Variants in NAMPT observed in about 807,000 individuals in gnomAD.
The protein encoded by NAMPT is nicotinamide phosphoribosyltransferase.
A neutral mutation model predicts 58.7 loss-of-function variants in NAMPT; 7 were observed. The ratio of observed to expected loss-of-function variants is 0.12; its 90% CI spans 0.07 to 0.22. The LOEUF is 0.22. Ranked by LOEUF, NAMPT falls within the 10% of genes least tolerant of loss-of-function variation. The pLI is 1.00. For synonymous variants in NAMPT, 145 were observed against 198.1 expected, an observed-to-expected ratio of 0.73 and a Z score of 2.25; for missense variants, 271 against 567.9, an observed-to-expected ratio of 0.48 and a Z score of 5.31.
intron 8 of NAMPT, among the ~76,000 whole-genome samples, chr7:106,256,551 T>C (rs1012652282): frequency 2.6e-4 from 40 of 152,342 alleles, no homozygotes; most frequent in African/African-American, 9.6e-4. Flanking sequence ...CAAGTACAGA[T>C]GGTCACAAAC....
At chr7:106,269,352 A>C in intron 4 of NAMPT, 40 bp from the exon 5 acceptor site, 1 of 1,562,518 alleles carries the variant, frequency 6.4e-7, no homozygotes, top group South Asian at 1.2e-5. Flanking sequence ...AAGACATAAA[A>C]TACTGCATTC....
chr7:106,285,251 T>A, upstream of NAMPT: 1 of 884,256 alleles, frequency 1.1e-6, no homozygotes, highest in Non-Finnish European at 1.4e-6. Flanking sequence ...GCGCTCTTCC[T>A]CCCAGACGCC....
chr7:106,277,813 G>A (rs1792680552), intron 1 of NAMPT, among the ~76,000 whole-genome samples: 1 of 152,172 alleles, frequency 6.6e-6, no homozygotes, highest in African/African-American at 2.4e-5. Flanking sequence ...TTTAAAATAC[G>A]AAGAGGTCTT....
intron 1 of NAMPT, among the ~76,000 whole-genome samples, chr7:106,282,473 AT>A (rs1792785185): frequency 1.3e-5 from 2 of 152,222 alleles, no homozygotes; most frequent in African/African-American, 4.8e-5. Flanking sequence ...TTCATAACTA[AT>A]GGATAATGCG....
At chr7:106,260,492 C>G (rs1792284135) in intron 8 of NAMPT, among the ~76,000 whole-genome samples, 1 of 152,230 alleles carries the variant, frequency 6.6e-6, no homozygotes, top group Non-Finnish European at 1.5e-5. Context: ...TTCTCCCTAG[C>G]AGCAATAAAG....
chr7:106,282,665 A>C (rs975957853), intron 1 of NAMPT, among the ~76,000 whole-genome samples: 1 of 152,250 alleles, frequency 6.6e-6, no homozygotes, highest in Non-Finnish European at 1.5e-5. Flanking sequence ...ATACAAGACA[A>C]AACAAAACTC....
At chr7:106,283,311 A>G (rs978235786) in intron 1 of NAMPT, among the ~76,000 whole-genome samples, 44 of 152,290 alleles carry the variant, frequency 2.9e-4, no homozygotes, top group African/African-American at 9.6e-4. Flanking sequence ...AGCACCCCAG[A>G]AAACTGATGT....
chr7:106,284,943 G>C lies in NAMPT; in HGVS notation c.-59C>G, dbSNP rs1313191691. The C allele has an allele frequency of 2.6e-6, 4 of 1,551,596 alleles. No homozygotes were observed. The highest frequency in any genetic ancestry group is 4.8e-5 in the East Asian group (2 of 41,500). ...GCTCCCTGGCGCGGCTGCGAGGAAG[G>C]AGAAAAATGAGCTTCACCGCGCTCC... On this transcript the variant is annotated 5_prime_UTR_variant, in exon 1 of 11. Coordinates refer to ENST00000222553, the MANE Select transcript of NAMPT (RefSeq NM_005746.3).
chr7:106,270,339 C>A, intron 4 of NAMPT: 2 of 344,098 alleles, frequency 5.8e-6, no homozygotes, highest in Non-Finnish European at 1.3e-5. Context: ...TGTGCTGAAC[C>A]AAAAAGATAT....
At chr7:106,255,224 T>C (rs1266635559) in intron 8 of NAMPT, among the ~76,000 whole-genome samples, 1 of 152,230 alleles carries the variant, frequency 6.6e-6, no homozygotes, top group African/African-American at 2.4e-5. Flanking sequence ...ATGTGTTTAT[T>C]ACCAATGTCA....
chr7:106,254,606 G>T (rs1055846349), intron 8 of NAMPT, 102 bp from the exon 9 acceptor site: 2 of 1,273,052 alleles, frequency 1.6e-6, no homozygotes, highest in African/African-American at 1.5e-5. Flanking sequence ...ATCCAAGACT[G>T]TTTTATAACA....
At chr7:106,285,410 C>G, upstream of NAMPT, 1 of 533,328 alleles carries the variant, frequency 1.9e-6, no homozygotes, top group Non-Finnish European at 2.4e-6. Flanking sequence ...GGTTCGCCCG[C>G]CCCGCCTGGG....
rs192156687 is a variant in NAMPT, at chr7:106,256,908, G to T, written c.1090-2404C>A. Among the ~76,000 whole-genome samples the T allele has an allele frequency of 1.2e-3, 185 of 152,290 alleles. 1 individual carries two copies. Among genetic ancestry groups the T allele is most frequent in the Non-Finnish European group, 8.4e-4 (57 of 68,022 alleles). On this transcript the variant is annotated intron_variant, in intron 8 of 10. Transcript: ENST00000222553. ...GGTATTTTTCTGGCCAGGCGCAATG[G>T]CTCACGCCTGTAATCCCAGCACTTT...
chr7:106,261,539 C>G, intron 8 of NAMPT, 49 bp downstream of exon 8: 1 of 1,381,150 alleles, frequency 7.2e-7, no homozygotes, highest in Non-Finnish European at 1.0e-6. Flanking sequence ...CATAAACAAA[C>G]TTAATTATAA....
intron 1 of NAMPT, among the ~76,000 whole-genome samples, chr7:106,278,599 A>AAATTT (rs1175687564): frequency 6.6e-6 from 1 of 152,238 alleles, no homozygotes; most frequent in Non-Finnish European, 1.5e-5. Flanking sequence ...TGCAGCAATG[A>AAATTT]AATTTATGTC....
intron 6 of NAMPT, among the ~76,000 whole-genome samples, chr7:106,265,134 G>A (rs1218370035): frequency 2.6e-5 from 4 of 152,074 alleles, no homozygotes; most frequent in African/African-American, 7.2e-5. Flanking sequence ...TATGACTGAA[G>A]AGAAGCTCCT....
At chr7:106,273,568 T>G (rs1466128161) in intron 3 of NAMPT, among the ~76,000 whole-genome samples, 1 of 152,244 alleles carries the variant, frequency 6.6e-6, no homozygotes, top group Non-Finnish European at 1.5e-5. Flanking sequence ...TCTCAGATTC[T>G]GTTTGTAAAA....
In NAMPT at chr7:106,261,959, T is replaced by C. The variant is rs907870143; in HGVS notation, c.970-252A>G. Among the ~76,000 whole-genome samples the C allele has an allele frequency of 1.6e-4, 24 of 152,100 alleles. 1 individual carries two copies. Among genetic ancestry groups the C allele is most frequent in the Admixed American group, 1.3e-4 (2 of 15,268 alleles). On this transcript the variant is annotated intron_variant, in intron 7 of 10. Coordinates refer to ENST00000222553, the MANE Select transcript of NAMPT (RefSeq NM_005746.3). The stretch of plus-strand genomic sequence containing the variant: ...TCATAAAGTGGCTCAAAACAAGTTT[T>C]TCCCCTTAGACCTTTCAAATTATAT...
rs547417212 is a variant in NAMPT at position 106,248,899 on chromosome 7, T to C, written c.*2184A>G. ...TCAGTTCCAAGTGACTAAGAGCCAA[T>C]AGAATTAATCTCCATCTCCTGATTT... On this transcript the variant is annotated 3_prime_UTR_variant, in exon 11 of 11. Coordinates refer to ENST00000222553, the MANE Select transcript of NAMPT (RefSeq NM_005746.3). The C allele has an allele frequency of 1.3e-5, 2 of 152,208 alleles. No individual in the cohort carries two copies. Among genetic ancestry groups the C allele is most frequent in the African/African-American group, 4.8e-5 (2 of 41,564 alleles). 9.4% of individuals were successfully genotyped at this position (152,208 alleles called of 1,614,324 possible).
Sources: allele counts gnomAD v4.1 joint callset (sites outside exome capture counted in the v4.1 genomes callset), GRCh38; gene constraint gnomAD v4.1.1; transcripts MANE v1.5; gene names NCBI Gene and HGNC (gene_info 2026-07-23, HGNC 2026-07-21).